TBXAS1: variants seen among roughly 807,000 people sequenced by gnomAD.
The protein encoded by TBXAS1 is thromboxane-A synthase.
In TBXAS1, 48 loss-of-function variants were observed where a neutral mutation model predicts 60.7. The ratio of observed to expected loss-of-function variants is 0.79; its 90% CI spans 0.63 to 1.01. The LOEUF is 1.01. Among genes scored for constraint, TBXAS1 ranks in the 50% least tolerant of loss-of-function variants. The pLI is 0.00. For synonymous variants in TBXAS1, 287 were observed against 269.7 expected, an observed-to-expected ratio of 1.06 and a Z score of -0.63; for missense variants, 685 against 686.3, an observed-to-expected ratio of 1.00 and a Z score of 0.02.
chr7:139,844,539 C>T (rs1799675526), intron 1 of TBXAS1, among the ~76,000 whole-genome samples: 2 of 152,176 alleles, frequency 1.3e-5, no homozygotes, highest in African/African-American at 4.8e-5. Context: ...AGCAAAGAAA[C>T]TCGACATTTT....
intron 4 of TBXAS1, among the ~76,000 whole-genome samples, chr7:139,928,421 A>G (rs1378037995): frequency 6.6e-6 from 1 of 152,210 alleles, no homozygotes; most frequent in Non-Finnish European, 1.5e-5. Context: ...ACATTGGCTT[A>G]TAATTTTTCT....
At chr7:139,986,753 A>ATGTGTGTGTG (rs1569522749) in intron 9 of TBXAS1, among the ~76,000 whole-genome samples, 1 of 52,264 alleles carries the variant, frequency 1.9e-5, no homozygotes, top group African/African-American at 6.3e-5. Flanking sequence ...ACATATATAT[A>ATGTGTGTGTG]TATGTGTGTG....
chr7:140,006,866 T>TA (rs1321118616), intron 9 of TBXAS1, among the ~76,000 whole-genome samples: 1 of 152,172 alleles, frequency 6.6e-6, no homozygotes, highest in African/African-American at 2.4e-5. Flanking sequence ...TTCTCTGTAT[T>TA]ACGAAGACCC....
chr7:139,812,766 G>A (rs1439266423), intron 4 of TBXAS1, among the ~76,000 whole-genome samples: 10 of 152,100 alleles, frequency 6.6e-5, no homozygotes, highest in Non-Finnish European at 1.3e-4. Flanking sequence ...CTCATCTAAA[G>A]TGCTTTGAAG....
At chr7:139,819,251 C>T (rs933633286) in intron 4 of TBXAS1, among the ~76,000 whole-genome samples, 2 of 152,180 alleles carry the variant, frequency 1.3e-5, no homozygotes, top group Admixed American at 6.5e-5. Flanking sequence ...ATCATCTTCT[C>T]TGTTTTCCAC....
chr7:139,808,143 G>C (rs534410851), intron 4 of TBXAS1, among the ~76,000 whole-genome samples: 1 of 151,642 alleles, frequency 6.6e-6, no homozygotes, highest in East Asian at 1.9e-4. Flanking sequence ...ACCAGCCTAG[G>C]CAACATGGCA....
At chr7:140,003,682 C>T (rs1295542853) in intron 9 of TBXAS1, among the ~76,000 whole-genome samples, 1 of 152,178 alleles carries the variant, frequency 6.6e-6, no homozygotes, top group African/African-American at 2.4e-5. Flanking sequence ...TTCGGGGAAC[C>T]AACACCATTT....
intron 3 of TBXAS1, among the ~76,000 whole-genome samples, chr7:139,880,180 G>A (rs1016438102): frequency 9.9e-5 from 15 of 152,148 alleles, no homozygotes; most frequent in African/African-American, 3.1e-4. Flanking sequence ...ACCATATCCA[G>A]CCTATCTCAT....
chr7:139,999,736 G>A lies in TBXAS1; in HGVS notation c.1135-7355G>A, dbSNP rs1813536227. On this transcript the variant is annotated intron_variant, in intron 9 of 12. Transcript: ENST00000448866. This position sits in a 1 kb window ranked among gnomAD's most constrained non-coding sequence, Gnocchi z 4.3. The stretch of plus-strand genomic sequence containing the variant: ...GGATTTCCAGCTCCGGCTTCTAGAG[G>A]GCAAGGGCCAGCATCACTTGGCCTA... 6.6e-6 allele frequency among the ~76,000 whole-genome samples: 1 copy of A among 152,132 alleles called. No homozygotes were observed. Among genetic ancestry groups the A allele is most frequent in the African/African-American group, 2.4e-5 (1 of 41,422 alleles).
intron 9 of TBXAS1, among the ~76,000 whole-genome samples, chr7:139,993,130 G>A (rs1813045600): frequency 6.6e-6 from 1 of 152,222 alleles, no homozygotes; most frequent in South Asian, 2.1e-4. Context: ...CCGGGAGGCA[G>A]AGGTTGCAGT....
chr7:139,941,195 A>G (rs1440682811), intron 5 of TBXAS1, among the ~76,000 whole-genome samples: 1 of 152,196 alleles, frequency 6.6e-6, no homozygotes, highest in Non-Finnish European at 1.5e-5. Context: ...CAAACATCAG[A>G]GTTTATTCTT....
chr7:139,803,872 G>A (rs957666623), intron 4 of TBXAS1, among the ~76,000 whole-genome samples: 2 of 152,356 alleles, frequency 1.3e-5, no homozygotes, highest in African/African-American at 4.8e-5. Flanking sequence ...GAGGATGAAT[G>A]GAAATGTCTG....
chr7:139,797,416 G>C (rs1797601684), intron 4 of TBXAS1: 1 of 152,154 alleles, frequency 6.6e-6, no homozygotes, highest in African/African-American at 2.4e-5. Flanking sequence ...CACAGTGTTA[G>C]CCATTGGCCC....
intron 1 of TBXAS1, among the ~76,000 whole-genome samples, chr7:139,863,367 A>AT (rs932720579): frequency 6.6e-6 from 1 of 151,956 alleles, no homozygotes; most frequent in Non-Finnish European, 1.5e-5. Context: ...GTAGTCTTCT[A>AT]TTTTTTTTCC....
chr7:139,850,940 G>A (rs1435757937), intron 1 of TBXAS1, among the ~76,000 whole-genome samples: 2 of 152,126 alleles, frequency 1.3e-5, no homozygotes, highest in African/African-American at 4.8e-5. Context: ...TCAGAATTCT[G>A]AACTCCAGAA....
chr7:140,006,168 G>C (rs1814064916), intron 9 of TBXAS1, among the ~76,000 whole-genome samples: 1 of 152,236 alleles, frequency 6.6e-6, no homozygotes, highest in South Asian at 2.1e-4. Context: ...TCCTGGATTA[G>C]CATTATCTAG....
chr7:139,989,654 G>A (rs771508013), intron 9 of TBXAS1, among the ~76,000 whole-genome samples: 14 of 152,264 alleles, frequency 9.2e-5, no homozygotes, highest in Middle Eastern at 6.8e-3. Flanking sequence ...CCCTGGCCCG[G>A]GTTTAGAATA....
Position 139,951,920 on chromosome 7 carries a change from AG to A in TBXAS1, c.451-1447del, listed in dbSNP as rs1471568744. ...GAAGGAAAGAAAGAGAAAGAAAGAGAGAAAGAAAGAGAGAAAGAAGGAAAGA... is the reference window on the plus strand; with the variant it reads ...GAAGGAAAGAAAGAGAAAGAAAGAGAAAAGAAAGAGAGAAAGAAGGAAAGA... On this transcript the variant is annotated intron_variant, in intron 5 of 12. Transcript: ENST00000448866. Among the ~76,000 whole-genome samples, 7 of 109,976 alleles carry A rather than the reference AG, an allele frequency of 6.4e-5. 1 individual carries two copies. Among genetic ancestry groups the A allele is most frequent in the Non-Finnish European group, 9.5e-5 (5 of 52,868 alleles). 72.1% of individuals were successfully genotyped at this position (109,976 alleles called of 152,430 possible). A position where few individuals can be genotyped will look rare whatever the true frequency, so the allele number is the denominator to read the frequency against.
intron 1 of TBXAS1, among the ~76,000 whole-genome samples, chr7:139,864,133 A>G (rs1001101805): frequency 1.1e-4 from 17 of 152,204 alleles, no homozygotes; most frequent in Non-Finnish European, 2.4e-4. Context: ...GAATGGACTG[A>G]TATTATTTGC....
Sources: gnomAD v4.1 joint callset for allele counts (sites outside exome capture counted in the v4.1 genomes callset) on GRCh38, gnomAD v4.1.1 for gene constraint, Gnocchi (gnomAD v3.1) non-coding constraint, MANE v1.5 for transcripts, NCBI Gene and HGNC (gene_info 2026-07-23, HGNC 2026-07-21) for gene names.